The following RBM28 variants were observed in gnomAD, a reference collection of about 807,000 sequenced individuals.
RBM28 encodes RNA-binding protein 28.
Under a neutral mutation model 98.3 loss-of-function variants are expected in RBM28, and 78 were observed. The ratio of observed to expected loss-of-function variants is 0.79; its 90% CI spans 0.66 to 0.96. RBM28 has a LOEUF of 0.96. Among genes scored for constraint, RBM28 ranks in the 40% least tolerant of loss-of-function variants. The pLI, the probability that RBM28 is intolerant of heterozygous loss-of-function variation, is 0.00. For missense variants in RBM28, 838 were observed against 913.0 expected, an observed-to-expected ratio of 0.92 and a Z score of 1.06; for synonymous variants, 306 against 330.9, an observed-to-expected ratio of 0.92 and a Z score of 0.82.
chr7:128,333,346 G>C lies in RBM28; in HGVS notation c.963C>G (p.Asn321Lys), dbSNP rs1584657681. 8 of 1,601,530 alleles carry C rather than the reference G, an allele frequency of 5.0e-6. No homozygotes were observed. Among genetic ancestry groups the C allele is most frequent in the South Asian group, 2.2e-5 (2 of 90,826 alleles). ...EQEDKAVQVS[N>K]KKKRKLPSDV... The stretch of plus-strand genomic sequence containing the variant: ...CAGAGGGTAATTTCCTCTTCTTTTT[G>C]TTTGAGACTTGCACAGCTAAGGTAA... The change falls in exon 9 of 19, where the codon AAC becomes AAG. Residue 321 changes from asparagine to lysine, a missense_variant. By Grantham distance (94) the Asn-to-Lys change is moderately conservative. Transcript: ENST00000223073.
rs929962385 is a variant in RBM28 at position 128,308,651 on chromosome 7, C to T, written c.*2146G>A. ...CCTTCATCCATTTCTAAACCAAAGG[C>T]ATTTCAGAGCATTCATGGGTTCCCC... On this transcript the variant is annotated 3_prime_UTR_variant, in exon 19 of 19. Transcript: ENST00000223073. 1 of 152,210 alleles carries T rather than the reference C, an allele frequency of 6.6e-6. No individual in the cohort carries two copies. Among genetic ancestry groups the T allele is most frequent in the Non-Finnish European group, 1.5e-5 (1 of 68,044 alleles). The allele number at this position is 152,210 out of a possible 1,614,324, so 9.4% of individuals were successfully genotyped here.
chr7:128,326,985 A>G (rs1796366954), intron 10 of RBM28, among the ~76,000 whole-genome samples: 1 of 151,834 alleles, frequency 6.6e-6, no homozygotes, highest in African/African-American at 2.4e-5. Context: ...AGAAAAAAAA[A>G]AATTGGCTGG....
intron 1 of RBM28, 77 bp from the exon 2 acceptor site, chr7:128,339,868 G>A (rs1796687294): frequency 2.0e-6 from 3 of 1,485,248 alleles, no homozygotes; most frequent in Non-Finnish European, 1.9e-6. Flanking sequence ...AGCACTAAAT[G>A]AGTAAATCCT....
chr7:128,310,998 G>A, intron 18 of RBM28, 67 bp from the exon 19 acceptor site: 2 of 1,506,930 alleles, frequency 1.3e-6, no homozygotes, highest in Non-Finnish European at 9.2e-7. Flanking sequence ...CTTACCCTCA[G>A]GCCACCCAAG....
intron 8 of RBM28, among the ~76,000 whole-genome samples, chr7:128,334,326 A>G (rs1362209523): frequency 6.6e-6 from 1 of 152,216 alleles, no homozygotes; most frequent in Non-Finnish European, 1.5e-5. Flanking sequence ...TTAACTTTTT[A>G]TCATTATCAT....
rs775103161 is a variant in RBM28, at chr7:128,321,431, G to C, written c.1405-7C>G. On this transcript the variant is annotated splice_region_variant and splice_polypyrimidine_tract_variant and intron_variant, in intron 13 of 18. Coordinates refer to ENST00000223073, the MANE Select transcript of RBM28 (RefSeq NM_018077.3). ...GATGCTTCAGCAGCTCAAACTGAAA[G>C]AACAACCAATGGTTAACAGTACAAC... 7 of 1,614,044 alleles carry C rather than the reference G, an allele frequency of 4.3e-6. No homozygotes were observed. In the South Asian group the frequency reaches 7.7e-5, roughly 18 times the overall value.
Position 128,337,226 on chromosome 7 carries a change from A to C in RBM28, c.542-24T>G, listed in dbSNP as rs188623305. ...GCCTGTCAAGCAGAAAAGTGGCATC[A>C]GAAAGGCTCTCCTTTTAAAAACCCT... On this transcript the variant is annotated intron_variant, in intron 5 of 18. Transcript: ENST00000223073. 28 of 1,613,582 alleles carry C rather than the reference A, an allele frequency of 1.7e-5. No individual in the cohort carries two copies. The East Asian group carries it at 6.0e-4, about 35-fold the overall frequency.
At chr7:128,312,317 TA>T (rs1334817433) in intron 18 of RBM28, among the ~76,000 whole-genome samples, 1 of 152,120 alleles carries the variant, frequency 6.6e-6, no homozygotes, top group Non-Finnish European at 1.5e-5. Context: ...CTCGGGAGGC[TA>T]CTCCTGGAGG....
intron 10 of RBM28, among the ~76,000 whole-genome samples, chr7:128,330,047 T>G (rs1175484344): frequency 6.6e-6 from 1 of 151,988 alleles, no homozygotes; most frequent in East Asian, 1.9e-4. Flanking sequence ...AAGAAATAGC[T>G]TTTGGAAAAA....
intron 15 of RBM28, 84 bp downstream of exon 15, chr7:128,317,873 C>A: frequency 6.3e-7 from 1 of 1,578,886 alleles, no homozygotes; most frequent in South Asian, 1.1e-5. Context: ...CCTCAAATGT[C>A]AGAGGACACT....
At position 128,299,620 on chromosome 7, in the gene RBM28, C is replaced by A. The variant is rs1020126593; in HGVS notation, c.*11177G>T. 1 of 152,206 alleles carries A rather than the reference C, an allele frequency of 6.6e-6. No individual in the cohort carries two copies. The highest frequency in any genetic ancestry group is 6.5e-5 in the Admixed American group (1 of 15,288). The allele number at this position is 152,206 out of a possible 1,614,324, so 9.4% of individuals were successfully genotyped here. A position where few individuals can be genotyped will look rare whatever the true frequency, so the allele number is the denominator to read the frequency against. ...GGAAACCGTTGAATGGGATTTCCAT[C>A]ACATAAAGAACTGGTTATGTAAATT... is the stretch of plus-strand genomic sequence containing the variant. On this transcript the variant is annotated 3_prime_UTR_variant, in exon 19 of 19. Transcript: ENST00000223073.
chr7:128,336,552 C>T lies in RBM28; in HGVS notation c.614-510G>A, dbSNP rs142260068. On this transcript the variant is annotated intron_variant, in intron 6 of 18. Transcript: ENST00000223073. The stretch of plus-strand genomic sequence containing the variant: ...AAGTAAAGGGGACAGTGAACTCAGG[C>T]TCACTCACAGCCACTCCCAGGAAGG... Among the ~76,000 whole-genome samples the T allele has an allele frequency of 4.7e-3, 718 of 152,326 alleles. 16 individuals are homozygous for T. The highest frequency in any genetic ancestry group is 0.036 in the Admixed American group (544 of 15,302).
chr7:128,311,055 G>A (rs1584631449), intron 18 of RBM28, 124 bp from the exon 19 acceptor site: 9 of 968,590 alleles, frequency 9.3e-6, no homozygotes, highest in Non-Finnish European at 1.3e-5. Context: ...AAAGGGGTAG[G>A]TTTCTAGAGA....
intron 5 of RBM28, 127 bp from the exon 6 acceptor site, chr7:128,337,329 G>T: frequency 1.1e-6 from 1 of 900,172 alleles, no homozygotes; most frequent in Non-Finnish European, 1.8e-6. Context: ...TTCAGGGAAT[G>T]CTGGTCTTAA....
In RBM28 at chr7:128,317,674, C is replaced by A; in HGVS notation, c.1773G>T (p.Arg591Ser). ...DRRKLKMKEL[R>S]IQRSLQKMRS... ...ATTTCTGTACCAAGCTGCGCTGGAT[C>A]CTTAATTCCTTCATTTTAAGTTTTC... is the stretch of plus-strand genomic sequence containing the variant. Residue 591 changes from arginine (R) to serine (S), a missense_variant, in exon 16 of 19, where the codon AGG becomes AGT. By Grantham distance (110) the Arg-to-Ser change is moderately radical (BLOSUM62 -1). Coordinates refer to ENST00000223073, the MANE Select transcript of RBM28 (RefSeq NM_018077.3). 1 of 1,604,710 alleles carries A rather than the reference C, an allele frequency of 6.2e-7. No individual in the cohort carries two copies.
chr7:128,310,868 ATT>A lies in RBM28; in HGVS notation c.2207_2208del (p.Gln736LeufsTer2). On this transcript the variant is annotated frameshift_variant, in exon 19 of 19. Transcript: ENST00000223073. LOFTEE classifies it high-confidence loss of function. The part of the protein sequence containing the change: ...TETRFNQLVE[Q>X]YKQKLLGPSK... Reference sequence around the variant, plus strand: ...GAAGGTCCCAATAATTTCTGCTTATATTGTTCGACCAGCTGGTTGAAGCGGGT... The same window carrying A: ...GAAGGTCCCAATAATTTCTGCTTATAGTTCGACCAGCTGGTTGAAGCGGGT... 3.1e-6 allele frequency: 5 copies of A among 1,614,034 alleles called. No individual in the cohort carries two copies. The highest frequency in any genetic ancestry group is 1.6e-4 in the Middle Eastern group (1 of 6,062).
rs1202842729 is a variant in RBM28, at chr7:128,301,878, G to T, written c.*8919C>A. On this transcript the variant is annotated 3_prime_UTR_variant, in exon 19 of 19. Transcript: ENST00000223073. Reference sequence around the variant, plus strand: ...CTGACTTTCCATGGCTCCGACGAGGGGTCCTGAGGCACTCTATCGAAGTGC... The same window carrying T: ...CTGACTTTCCATGGCTCCGACGAGGTGTCCTGAGGCACTCTATCGAAGTGC... 1 of 152,198 alleles carries T rather than the reference G, an allele frequency of 6.6e-6. No homozygotes were observed. The highest frequency in any genetic ancestry group is 1.5e-5 in the Non-Finnish European group (1 of 68,048). The allele number at this position is 152,198 out of a possible 1,614,324, so 9.4% of individuals were successfully genotyped here. A position where few individuals can be genotyped will look rare whatever the true frequency, so the allele number is the denominator to read the frequency against.
intron 6 of RBM28, 77 bp from the exon 7 acceptor site, chr7:128,336,119 T>C (rs1796595920): frequency 7.5e-7 from 1 of 1,329,922 alleles, no homozygotes. Flanking sequence ...TAACCAATAC[T>C]CCAAGTTCTT....
rs768990795 is a variant in RBM28, at chr7:128,333,289, C to G, written c.1019+1G>C. ...GCAATTCTGGAGGCAGAAAGACATA[C>G]CTGATAAAAACAGTTTTCCCTTCAT... On this transcript the variant is annotated splice_donor_variant, in intron 9 of 18. Coordinates refer to ENST00000223073, the MANE Select transcript of RBM28 (RefSeq NM_018077.3). LOFTEE classifies it high-confidence loss of function. 6.3e-7 allele frequency: 1 copy of G among 1,585,358 alleles called. No individual in the cohort carries two copies. The highest frequency in any genetic ancestry group is 1.7e-5 in the Admixed American group (1 of 59,958).
Sources: gnomAD v4.1 joint callset for allele counts (sites outside exome capture counted in the v4.1 genomes callset) on GRCh38, gnomAD v4.1.1 for gene constraint, MANE v1.5 for transcripts, NCBI Gene and HGNC (gene_info 2026-07-23, HGNC 2026-07-21) for gene names.